Variants in FAM217B observed in about 807,000 individuals in gnomAD.
The protein encoded by FAM217B is family with sequence similarity 217 member B.
For missense variants in FAM217B, 463 were observed against 456.9 expected (o/e 1.01, Z -0.12); for synonymous variants, 163 against 173.0 (o/e 0.94, Z 0.45).
Position 59,948,442 on chromosome 20 carries a change from A to T in FAM217B, c.*3347A>T, listed in dbSNP as rs531402115. On this transcript the variant is annotated 3_prime_UTR_variant, in exon 4 of 4. Transcript: ENST00000360816. ...TTATGCTCACTTATGGAGTAGTTAC[A>T]TAGAAATATAACTCTTGGTGGTACT... 2.4e-5 allele frequency: 4 copies of T among 167,030 alleles called. No individual in the cohort carries two copies. The highest frequency in any genetic ancestry group is 4.8e-5 in the African/African-American group (2 of 41,434). 10.3% of individuals were successfully genotyped at this position (167,030 alleles called of 1,614,324 possible).
Position 59,943,995 on chromosome 20 carries a change from G to T in FAM217B, c.52G>T (p.Gly18Ter). 1 of 1,612,514 alleles carries T rather than the reference G, an allele frequency of 6.2e-7. No homozygotes were observed. The highest frequency in any genetic ancestry group is 8.5e-7 in the Non-Finnish European group (1 of 1,179,632). Reference protein sequence around the residue: ...NKVQHSKNSSGKRQSKSQVPH... With the variant: ...NKVQHSKNSS ...AGTGCAACATTCAAAGAATTCTTCA[G>T]GAAAAAGGCAGAGTAAATCCCAAGT... The change falls in exon 4 of 4, where the codon GGA becomes TGA. Residue 18 changes from glycine to a stop codon, truncating the protein, a stop_gained. Transcript: ENST00000360816. LOFTEE classifies it low-confidence loss of function (END_TRUNC).
upstream of FAM217B, chr20:59,940,013 C>T (rs906549898): frequency 1.7e-6 from 2 of 1,154,144 alleles, no homozygotes; most frequent in Admixed American, 4.2e-5. Flanking sequence ...TGCTCAGAAG[C>T]CGCAGAGAGT....
upstream of FAM217B, chr20:59,939,327 T>C (rs372312575): frequency 2.5e-6 from 4 of 1,611,588 alleles, no homozygotes; most frequent in Non-Finnish European, 3.4e-6. Flanking sequence ...AGCCACCTGC[T>C]TCTCGAAGGC....
upstream of FAM217B, chr20:59,938,651 A>G (rs546040478): frequency 5.3e-4 from 90 of 170,962 alleles, no homozygotes; most frequent in African/African-American, 2.1e-3. Context: ...CACAATAATA[A>G]ATAACAGCTA....
upstream of FAM217B, chr20:59,939,200 G>C: frequency 6.2e-7 from 1 of 1,609,920 alleles, no homozygotes; most frequent in Non-Finnish European, 8.5e-7. Context: ...CCAGCAGGAA[G>C]GGCGGTACTG....
Position 59,944,918 on chromosome 20 carries a change from TCCCAAA to T in FAM217B, c.977_982del (p.Pro326_Lys327del), listed in dbSNP as rs1300533726. On this transcript the variant is annotated inframe_deletion, in exon 4 of 4. Coordinates refer to ENST00000360816, the MANE Select transcript of FAM217B (RefSeq NM_022106.3). ...TGGAAACCAGCGGTCACATTCGAGT[TCCCAAA>T]CAGGCAGCTGTGATTCTGGACTCAG... 1 of 1,614,076 alleles carries T rather than the reference TCCCAAA, an allele frequency of 6.2e-7. No homozygotes were observed. Among genetic ancestry groups the T allele is most frequent in the Non-Finnish European group, 8.5e-7 (1 of 1,180,034 alleles).
In FAM217B at chr20:59,945,221, T is replaced by A. The variant is rs923452778; in HGVS notation, c.*126T>A. 3.7e-6 allele frequency: 3 copies of A among 806,080 alleles called. No homozygotes were observed. In the Admixed American group the frequency reaches 9.8e-5, roughly 26 times the overall value. 49.9% of individuals were successfully genotyped at this position (806,080 alleles called of 1,614,324 possible). ...GACATTTAAGTAGTTGACTGGCATT[T>A]TTGTCCACCTTTATTTCTACCCTGA... On this transcript the variant is annotated 3_prime_UTR_variant, in exon 4 of 4. Coordinates refer to ENST00000360816, the MANE Select transcript of FAM217B (RefSeq NM_022106.3).
At chr20:59,940,276 T>G, upstream of FAM217B, 2 of 189,694 alleles carry the variant, frequency 1.1e-5, no homozygotes, top group East Asian at 1.4e-4. Flanking sequence ...CCCTCCCACT[T>G]TCCCGGTCCG....
rs1466909501 is a variant in FAM217B at position 59,947,640 on chromosome 20, A to G, written c.*2545A>G. The G allele has an allele frequency of 6.0e-6, 1 of 167,140 alleles. No homozygotes were observed. The highest frequency in any genetic ancestry group is 2.4e-5 in the African/African-American group (1 of 41,474). 10.4% of individuals were successfully genotyped at this position (167,140 alleles called of 1,614,324 possible). On this transcript the variant is annotated 3_prime_UTR_variant, in exon 4 of 4. Coordinates refer to ENST00000360816, the MANE Select transcript of FAM217B (RefSeq NM_022106.3). ...TGTTATACAGTTTAAAAAGCCTGCAAAAGTGACTTTGCTTGTTTACTTTCT... is the reference window on the plus strand; with the variant it reads ...TGTTATACAGTTTAAAAAGCCTGCAGAAGTGACTTTGCTTGTTTACTTTCT...
Position 59,947,926 on chromosome 20 carries a change from T to C in FAM217B, c.*2831T>C, listed in dbSNP as rs553610963. The C allele has an allele frequency of 1.7e-4, 29 of 167,062 alleles. No homozygotes were observed. Among genetic ancestry groups the C allele is most frequent in the African/African-American group, 6.7e-4 (28 of 41,540 alleles). The allele number at this position is 167,062 out of a possible 1,614,324, so 10.3% of individuals were successfully genotyped here. ...CATCAAGTCAAAAGCACTGAGTGTTTTGCTAGTCTAGTGACATGGGTTATT... is the reference window on the plus strand; with the variant it reads ...CATCAAGTCAAAAGCACTGAGTGTTCTGCTAGTCTAGTGACATGGGTTATT... On this transcript the variant is annotated 3_prime_UTR_variant, in exon 4 of 4. Transcript: ENST00000360816.
In FAM217B at chr20:59,946,306, G is replaced by A. The variant is rs2060936737; in HGVS notation, c.*1211G>A. ...TATTTGCGCAGTGTATTTTAATACG[G>A]CCCATGTCATTATAGTTGATTTTAT... is the stretch of plus-strand genomic sequence containing the variant. On this transcript the variant is annotated 3_prime_UTR_variant, in exon 4 of 4. Coordinates refer to ENST00000360816, the MANE Select transcript of FAM217B (RefSeq NM_022106.3). 1 of 166,874 alleles carries A rather than the reference G, an allele frequency of 6.0e-6. No homozygotes were observed. Among genetic ancestry groups the A allele is most frequent in the South Asian group, 2.1e-4 (1 of 4,826 alleles). 10.3% of individuals were successfully genotyped at this position (166,874 alleles called of 1,614,324 possible). A position where few individuals can be genotyped will look rare whatever the true frequency, so the allele number is the denominator to read the frequency against.
In FAM217B at chr20:59,945,028, C is replaced by T; in HGVS notation, c.1085C>T (p.Ala362Val). ...KKGKAESCGHATVSSEKKLKT... is the reference protein window; with the variant it reads ...KKGKAESCGHVTVSSEKKLKT... The stretch of plus-strand genomic sequence containing the variant: ...GGAAAGGCAGAGAGCTGTGGTCATG[C>T]CACTGTATCGAGTGAGAAAAAACTG... Residue 362 changes from alanine (A) to valine (V), a missense_variant, in exon 4 of 4, where the codon GCC (alanine) becomes GTC (valine). Coordinates refer to ENST00000360816, the MANE Select transcript of FAM217B (RefSeq NM_022106.3). 6.2e-7 allele frequency: 1 copy of T among 1,612,874 alleles called. No individual in the cohort carries two copies. Among genetic ancestry groups the T allele is most frequent in the South Asian group, 1.1e-5 (1 of 90,808 alleles).
chr20:59,941,689 G>A (rs1007473765), intron 1 of FAM217B, among the ~76,000 whole-genome samples: 11 of 152,190 alleles, frequency 7.2e-5, no homozygotes, highest in Admixed American at 1.3e-4. Context: ...AGAGAAGGCC[G>A]AAAAATTGAA....
At position 59,944,476 on chromosome 20, in the gene FAM217B, T is replaced by C; in HGVS notation, c.533T>C (p.Leu178Pro). 1 of 1,613,900 alleles carries C rather than the reference T, an allele frequency of 6.2e-7. No homozygotes were observed. Among genetic ancestry groups the C allele is most frequent in the Non-Finnish European group, 8.5e-7 (1 of 1,180,006 alleles). ...GCCGTGCCCCGAGTGGGAGGACTTCTTGGGAAGTATATCGATAGACTTATT... is the reference window on the plus strand; with the variant it reads ...GCCGTGCCCCGAGTGGGAGGACTTCCTGGGAAGTATATCGATAGACTTATT... ...TEAVPRVGGL[L>P]GKYIDRLIQL... Residue 178 changes from leucine to proline, a missense_variant, in exon 4 of 4, where the codon CTT becomes CCT. Physicochemically the swap from Leu to Pro is moderately conservative, Grantham distance 98. Coordinates refer to ENST00000360816, the MANE Select transcript of FAM217B (RefSeq NM_022106.3).
chr20:59,942,196 A>G lies in FAM217B; in HGVS notation c.-202-2A>G, dbSNP rs1244370782. 6.6e-6 allele frequency: 1 copy of G among 152,650 alleles called. No homozygotes were observed. The highest frequency in any genetic ancestry group is 1.5e-5 in the Non-Finnish European group (1 of 68,034). The allele number at this position is 152,650 out of a possible 1,614,324, so 9.5% of individuals were successfully genotyped here. A position where few individuals can be genotyped will look rare whatever the true frequency, so the allele number is the denominator to read the frequency against. ...TTACTGACAGTATTCTGTTGCTTCTAGTTCCGGTGGTGAGGAGACCTTTCC... is the reference window on the plus strand; with the variant it reads ...TTACTGACAGTATTCTGTTGCTTCTGGTTCCGGTGGTGAGGAGACCTTTCC... On this transcript the variant is annotated splice_acceptor_variant, in intron 1 of 3. Transcript: ENST00000360816. LOFTEE classifies it low-confidence loss of function (5UTR_SPLICE).
chr20:59,936,147 G>A (rs1453577320), upstream of FAM217B, among the ~76,000 whole-genome samples: 1 of 152,114 alleles, frequency 6.6e-6, no homozygotes, highest in African/African-American at 2.4e-5. Flanking sequence ...GAATACGGTA[G>A]ACAACTGTAA....
Position 59,945,066 on chromosome 20 carries a change from G to A in FAM217B, c.1123G>A (p.Val375Ile). 1 of 1,602,388 alleles carries A rather than the reference G, an allele frequency of 6.2e-7. No individual in the cohort carries two copies. The highest frequency in any genetic ancestry group is 1.4e-5 in the African/African-American group (1 of 74,054). ...TGAGAAAAAACTGAAAACAAACGGA[G>A]TAAAGCAAAACACATATAAACTAAA... ...SSEKKLKTNG[V>I]KQNTYKLK is the part of the protein sequence containing the mutation. The change falls in exon 4 of 4, where the codon GTA becomes ATA. Residue 375 changes from valine to isoleucine, a missense_variant. Val to Ile is a conservative substitution (Grantham distance 29). Coordinates refer to ENST00000360816, the MANE Select transcript of FAM217B (RefSeq NM_022106.3).
At chr20:59,941,982 T>A (rs992589646) in intron 1 of FAM217B, 1 of 152,218 alleles carries the variant, frequency 6.6e-6, no homozygotes, top group Non-Finnish European at 1.5e-5. Flanking sequence ...CTGTCTCTAA[T>A]ATCTACTGTA....
At chr20:59,939,624 A>C (rs1376150181), upstream of FAM217B, 1 of 1,586,164 alleles carries the variant, frequency 6.3e-7, no homozygotes, top group Non-Finnish European at 8.6e-7. Flanking sequence ...GGCGAAGCGC[A>C]CGCGGAGCTT....
Sources: allele counts gnomAD v4.1 joint callset (sites outside exome capture counted in the v4.1 genomes callset), GRCh38; gene constraint gnomAD v4.1.1; transcripts MANE v1.5; gene names NCBI Gene and HGNC (gene_info 2026-07-23, HGNC 2026-07-21).